SLC2A9: variants seen among roughly 807,000 people sequenced by gnomAD.
The protein encoded by SLC2A9 is solute carrier family 2, facilitated glucose transporter member 9.
SLC2A9 carries 39 observed loss-of-function variants against 50.6 expected under a neutral mutation model. The observed-to-expected ratio is 0.77, with a 90% CI of 0.60 to 1.01. SLC2A9 has a LOEUF of 1.01. Among genes scored for constraint, SLC2A9 ranks in the 50% least tolerant of loss-of-function variants. The pLI, the probability that SLC2A9 is intolerant of heterozygous loss-of-function variation, is 0.00. For missense variants in SLC2A9, 686 were observed against 677.6 expected, an observed-to-expected ratio of 1.01 and a Z score of -0.14; for synonymous variants, 324 against 276.9, an observed-to-expected ratio of 1.17 and a Z score of -1.69.
chr4:9,903,190 G>A (rs985200631), intron 8 of SLC2A9, among the ~76,000 whole-genome samples: 2 of 152,084 alleles, frequency 1.3e-5, no homozygotes, highest in Non-Finnish European at 2.9e-5. Context: ...TAAACTCTGA[G>A]GCCTTTGATT....
intron 2 of SLC2A9, among the ~76,000 whole-genome samples, chr4:10,011,882 C>T (rs997602944): frequency 6.6e-6 from 1 of 152,232 alleles, no homozygotes; most frequent in African/African-American, 2.4e-5. Context: ...AGCCAGCCAG[C>T]CCTCTGCCCA....
At chr4:9,978,043 G>A (rs940748526) in intron 5 of SLC2A9, among the ~76,000 whole-genome samples, 86 of 152,310 alleles carry the variant, frequency 5.6e-4, no homozygotes, top group African/African-American at 2.0e-3. Flanking sequence ...ACAGGTGCAC[G>A]GTGTCCTAGG....
intron 10 of SLC2A9, among the ~76,000 whole-genome samples, chr4:9,841,127 T>C (rs776643873): frequency 5.3e-5 from 8 of 152,228 alleles, no homozygotes; most frequent in Non-Finnish European, 8.8e-5. Context: ...GATTTTCCTA[T>C]AGCAACTTTT....
downstream of SLC2A9, among the ~76,000 whole-genome samples, chr4:9,824,704 T>C (rs190475537): frequency 1.3e-5 from 2 of 152,344 alleles, no homozygotes; most frequent in African/African-American, 2.4e-5. Flanking sequence ...CTTTAGTATG[T>C]AGCTAGTGCC....
At chr4:9,792,253 T>A (rs1163931832) in intron 3 of SLC2A9, among the ~76,000 whole-genome samples, 1 of 145,990 alleles carries the variant, frequency 6.8e-6, no homozygotes, top group Non-Finnish European at 1.5e-5. Flanking sequence ...CATGGTTCAC[T>A]GCAGCCTTAA....
At chr4:9,988,230 A>C (rs1757076892) in intron 3 of SLC2A9, among the ~76,000 whole-genome samples, 1 of 152,152 alleles carries the variant, frequency 6.6e-6, no homozygotes, top group African/African-American at 2.4e-5. Flanking sequence ...TATTTTGAAG[A>C]GTGAGTTGGT....
chr4:9,952,214 T>C (rs1263744571), intron 5 of SLC2A9, among the ~76,000 whole-genome samples: 1 of 152,202 alleles, frequency 6.6e-6, no homozygotes, highest in African/African-American at 2.4e-5. Context: ...TTCGAATATA[T>C]GTCCCTGCCA....
At chr4:9,918,243 A>T (rs1743242583) in intron 7 of SLC2A9, among the ~76,000 whole-genome samples, 2 of 151,968 alleles carry the variant, frequency 1.3e-5, no homozygotes, top group African/African-American at 4.8e-5. Context: ...AGGCAGCTGA[A>T]GTTTTGGATC....
At chr4:9,804,667 G>A (rs1721891285) in intron 3 of SLC2A9, among the ~76,000 whole-genome samples, 1 of 152,118 alleles carries the variant, frequency 6.6e-6, no homozygotes, top group South Asian at 2.1e-4. Context: ...TCCTATTATT[G>A]TGTTGGAATC....
intron 3 of SLC2A9, among the ~76,000 whole-genome samples, chr4:9,802,722 C>T (rs931796527): frequency 6.6e-6 from 1 of 151,954 alleles, no homozygotes; most frequent in Admixed American, 6.5e-5. Flanking sequence ...CTACGCCTGG[C>T]CAATTTTGTT....
At chr4:9,957,174 G>A (rs549719791) in intron 5 of SLC2A9, among the ~76,000 whole-genome samples, 1 of 152,042 alleles carries the variant, frequency 6.6e-6, no homozygotes, top group Non-Finnish European at 1.5e-5. Flanking sequence ...AGTCATTCCA[G>A]GCTTGGACAT....
At chr4:9,956,360 G>C (rs113439739) in intron 5 of SLC2A9, among the ~76,000 whole-genome samples, 1 of 151,442 alleles carries the variant, frequency 6.6e-6, no homozygotes, top group Admixed American at 6.6e-5. Context: ...GTAGCCTGTA[G>C]CCCCAGCTAC....
rs184493584 is a variant in SLC2A9, at chr4:10,014,805, G to A, written c.249+4170C>T. Among the ~76,000 whole-genome samples, 143 of 152,258 alleles carry A rather than the reference G, an allele frequency of 9.4e-4. 1 individual carries two copies. Among genetic ancestry groups the A allele is most frequent in the Non-Finnish European group, 7.9e-4 (54 of 68,020 alleles). ...ATCTTTCTACCCCAGATACAGCAAG[G>A]TCAACACCCAGGGAAGGGCACTGAA... On this transcript the variant is annotated intron_variant, in intron 2 of 11. Transcript: ENST00000264784.
chr4:10,010,006 C>G (rs1288063434), intron 2 of SLC2A9, among the ~76,000 whole-genome samples: 1 of 152,144 alleles, frequency 6.6e-6, no homozygotes, highest in Non-Finnish European at 1.5e-5. Flanking sequence ...CTCTCAGAAT[C>G]CCTTGATAGT....
rs2109742905 is a variant in SLC2A9 at position 9,887,627 on chromosome 4, C to A, written c.1231G>T (p.Val411Phe). ...ATGCCCACGATACTCAGGTAGGGGA[C>A]CCAGGGGGCGTGGTCCTGGGAGAGA... is the stretch of plus-strand genomic sequence containing the variant. ...TLTLQDHAPW[V>F]PYLSIVGILA... Residue 411 changes from valine (V) to phenylalanine (F), a missense_variant, in exon 10 of 12, where the codon GTC (valine) becomes TTC (phenylalanine). Transcript: ENST00000264784. 3.9e-6 allele frequency: 6 copies of A among 1,553,514 alleles called. No individual in the cohort carries two copies. The highest frequency in any genetic ancestry group is 3.7e-5 in the South Asian group (3 of 81,656).
chr4:10,019,254 G>C lies in SLC2A9; in HGVS notation c.151-181C>G, dbSNP rs955948101. Reference sequence around the variant, plus strand: ...GACCTGCAAGTAGGGTTCCAGTCCAGGTCCGCGTGCGCAGGCCGGGCGCCC... The same window carrying C: ...GACCTGCAAGTAGGGTTCCAGTCCACGTCCGCGTGCGCAGGCCGGGCGCCC... On this transcript the variant is annotated intron_variant, in intron 1 of 11. Coordinates refer to ENST00000264784, the MANE Select transcript of SLC2A9 (RefSeq NM_020041.3). 9 of 607,306 alleles carry C rather than the reference G, an allele frequency of 1.5e-5. 1 individual carries two copies. The highest frequency in any genetic ancestry group is 1.4e-4 in the South Asian group (7 of 50,382). 37.6% of individuals were successfully genotyped at this position (607,306 alleles called of 1,614,324 possible).
At chr4:9,933,032 C>A (rs1347114057) in intron 6 of SLC2A9, among the ~76,000 whole-genome samples, 1 of 152,250 alleles carries the variant, frequency 6.6e-6, no homozygotes, top group Non-Finnish European at 1.5e-5. Flanking sequence ...GCTCCAGCAT[C>A]TGCCCTGCTG....
At chr4:10,010,959 A>G (rs1761665737) in intron 2 of SLC2A9, among the ~76,000 whole-genome samples, 1 of 152,098 alleles carries the variant, frequency 6.6e-6, no homozygotes, top group Non-Finnish European at 1.5e-5. Flanking sequence ...TCTTGGGCTC[A>G]TTGCAATGTG....
intron 7 of SLC2A9, 126 bp downstream of exon 7, chr4:9,920,259 G>T: frequency 1.0e-6 from 1 of 969,210 alleles, no homozygotes; most frequent in Non-Finnish European, 1.6e-6. Context: ...TTACCTAACA[G>T]CATAGAGTTT....
Sources: allele counts gnomAD v4.1 joint callset (sites outside exome capture counted in the v4.1 genomes callset), GRCh38; gene constraint gnomAD v4.1.1; transcripts MANE v1.5; gene names NCBI Gene and HGNC (gene_info 2026-07-23, HGNC 2026-07-21).